The following RUNX1 variants were observed in gnomAD, a reference collection of about 807,000 sequenced individuals.
RUNX1 encodes RUNX family transcription factor 1.
A neutral mutation model predicts 42.8 loss-of-function variants in RUNX1; 19 were observed. The ratio of observed to expected loss-of-function variants is 0.44; its 90% CI spans 0.31 to 0.65. The LOEUF is 0.65. RUNX1 is among the 30% of genes least tolerant of loss of function. RUNX1 has a pLI of 0.07. For missense variants in RUNX1, 528 were observed against 672.0 expected, an observed-to-expected ratio of 0.79 and a Z score of 2.37; for synonymous variants, 271 against 289.4, an observed-to-expected ratio of 0.94 and a Z score of 0.64.
intron 6 of RUNX1, among the ~76,000 whole-genome samples, chr21:34,849,201 C>T (rs1372262782): frequency 3.3e-5 from 4 of 122,488 alleles, no homozygotes; most frequent in Non-Finnish European, 4.9e-5. Context: ...CAGATTGATT[C>T]CATTGTGTTA....
chr21:35,009,305 GA>G (rs1266902344), intron 2 of RUNX1, among the ~76,000 whole-genome samples: 2 of 152,188 alleles, frequency 1.3e-5, no homozygotes, highest in Non-Finnish European at 2.9e-5. Flanking sequence ...TGATTTTAAA[GA>G]CTGAAATAAA....
intron 2 of RUNX1, among the ~76,000 whole-genome samples, chr21:34,933,171 T>C (rs902286256): frequency 1.3e-5 from 2 of 152,200 alleles, no homozygotes; most frequent in African/African-American, 4.8e-5. Context: ...CTTGGAAAAT[T>C]AGTGGTTGGG....
At chr21:34,890,549 C>T (rs140455211) in intron 3 of RUNX1, among the ~76,000 whole-genome samples, 2,944 of 152,182 alleles carry the variant, frequency 0.019, 58 homozygotes, top group Middle Eastern at 0.1. Context: ...GGAGCCCGGG[C>T]TTCCGGGGGG....
At chr21:34,992,722 G>A (rs1229288714) in intron 2 of RUNX1, among the ~76,000 whole-genome samples, 3 of 150,448 alleles carry the variant, frequency 2.0e-5, no homozygotes, top group Non-Finnish European at 4.4e-5. Flanking sequence ...ATGGGATGGC[G>A]ATGCCCTTTG....
chr21:34,819,165 G>A (rs2056872747), intron 7 of RUNX1, among the ~76,000 whole-genome samples: 1 of 152,214 alleles, frequency 6.6e-6, no homozygotes, highest in Non-Finnish European at 1.5e-5. Context: ...TTACACTTGG[G>A]AGGAAACTCA....
At chr21:35,020,533 A>G (rs1212848992) in intron 2 of RUNX1, among the ~76,000 whole-genome samples, 3 of 152,294 alleles carry the variant, frequency 2.0e-5, no homozygotes, top group African/African-American at 2.4e-5. Context: ...GAGACCCGAA[A>G]GAGTTTGGCT....
At chr21:34,910,084 T>C (rs1448909892) in intron 2 of RUNX1, among the ~76,000 whole-genome samples, 1 of 152,234 alleles carries the variant, frequency 6.6e-6, no homozygotes, top group African/African-American at 2.4e-5. Context: ...AAGATTTGCA[T>C]AAATTGGCTC....
chr21:34,861,000 A>G (rs902378474), intron 5 of RUNX1, among the ~76,000 whole-genome samples: 5 of 152,326 alleles, frequency 3.3e-5, no homozygotes, highest in South Asian at 2.1e-4. Context: ...CTTTATAACT[A>G]AAGTCTCAGC....
chr21:35,013,697 C>T (rs2059140988), intron 2 of RUNX1, among the ~76,000 whole-genome samples: 1 of 152,150 alleles, frequency 6.6e-6, no homozygotes. Flanking sequence ...CTTAAAAATC[C>T]TTGTAGCCTT....
At chr21:34,959,786 C>G (rs1309430616) in intron 2 of RUNX1, among the ~76,000 whole-genome samples, 1 of 152,088 alleles carries the variant, frequency 6.6e-6, no homozygotes, top group Non-Finnish European at 1.5e-5. Context: ...TCCAGCTGGT[C>G]CTAAAGCTGA....
At chr21:34,856,763 C>A (rs2057500142) in intron 6 of RUNX1, among the ~76,000 whole-genome samples, 1 of 152,142 alleles carries the variant, frequency 6.6e-6, no homozygotes, top group South Asian at 2.1e-4. Flanking sequence ...AATGCCAGGG[C>A]CATTTTGCCA....
intron 2 of RUNX1, among the ~76,000 whole-genome samples, chr21:34,917,995 G>A (rs1011882629): frequency 6.6e-6 from 1 of 151,922 alleles, no homozygotes; most frequent in African/African-American, 2.4e-5. Context: ...TAGGCTTGGT[G>A]GTGGGTGCCT....
intron 2 of RUNX1, among the ~76,000 whole-genome samples, chr21:34,978,489 C>T (rs1003255328): frequency 6.6e-6 from 1 of 152,216 alleles, no homozygotes; most frequent in East Asian, 1.9e-4. Flanking sequence ...TGTAGTTTCC[C>T]AGAAGGAAAA....
intron 2 of RUNX1, among the ~76,000 whole-genome samples, chr21:35,001,288 A>T (rs1183180383): frequency 6.8e-4 from 60 of 88,548 alleles, no homozygotes; most frequent in African/African-American, 2.2e-3. Context: ...TTGGCCTATT[A>T]TTTTTTTTGA....
In RUNX1 at chr21:34,834,378, G is replaced by A. The variant is rs761085258; in HGVS notation, c.805+32C>T. ...TGTGGGTGGTGGCCCAGGTGCAGGAGAGGCGGGCAGTGGGCTCCATCTGGT... is the reference window on the plus strand; with the variant it reads ...TGTGGGTGGTGGCCCAGGTGCAGGAAAGGCGGGCAGTGGGCTCCATCTGGT... On this transcript the variant is annotated intron_variant, in intron 7 of 8. Transcript: ENST00000675419. 3.1e-6 allele frequency: 5 copies of A among 1,606,594 alleles called. No homozygotes were observed. The East Asian group carries it at 1.1e-4, about 36-fold the overall frequency.
intron 2 of RUNX1, among the ~76,000 whole-genome samples, chr21:34,958,966 C>T (rs949595344): frequency 1.1e-4 from 16 of 151,784 alleles, no homozygotes; most frequent in African/African-American, 2.9e-4. Context: ...AACCAAACAC[C>T]GCATGTTCTC....
At chr21:34,944,271 G>A (rs1456366917) in intron 2 of RUNX1, among the ~76,000 whole-genome samples, 1 of 152,170 alleles carries the variant, frequency 6.6e-6, no homozygotes, top group East Asian at 1.9e-4. Context: ...GCCTCCTAAT[G>A]TGCTGGGATT....
At chr21:34,849,376 T>TATATA (rs2057375736) in intron 6 of RUNX1, among the ~76,000 whole-genome samples, 2 of 51,400 alleles carry the variant, frequency 3.9e-5, no homozygotes, top group African/African-American at 1.5e-4. Flanking sequence ...ATATATACTA[T>TATATA]ATACATAGTA....
chr21:34,975,387 C>A (rs1018575476), intron 2 of RUNX1, among the ~76,000 whole-genome samples: 16 of 152,160 alleles, frequency 1.1e-4, no homozygotes, highest in African/African-American at 3.4e-4. Flanking sequence ...TCCTGTCATT[C>A]TTCCCTAAAC....
Sources: gnomAD v4.1 joint callset for allele counts (sites outside exome capture counted in the v4.1 genomes callset) on GRCh38, gnomAD v4.1.1 for gene constraint, MANE v1.5 for transcripts, NCBI Gene and HGNC (gene_info 2026-07-23, HGNC 2026-07-21) for gene names.